Variants in TBL1XR1 observed in about 807,000 individuals in gnomAD.
TBL1XR1 encodes TBL1X/Y related 1, also known as F-box-like/WD repeat-containing protein TBL1XR1.
In TBL1XR1, 5 loss-of-function variants were observed where a neutral mutation model predicts 66.9. The ratio of observed to expected loss-of-function variants is 0.07; its 90% confidence interval spans 0.04 to 0.16. The LOEUF is 0.16. Among genes scored for constraint, TBL1XR1 ranks in the 10% least tolerant of loss-of-function variants. The probability of loss-of-function intolerance (pLI) is 1.00; values close to 1 mark genes in which losing one functional copy is unlikely to be tolerated. For synonymous variants in TBL1XR1, 210 were observed against 206.0 expected, an observed-to-expected ratio of 1.02 and a Z score of -0.17; for missense variants, 238 against 623.2, an observed-to-expected ratio of 0.38 and a Z score of 6.58.
At chr3:177,030,129 T>TAG (rs1384413642) in intron 14 of TBL1XR1, among the ~76,000 whole-genome samples, 6 of 143,708 alleles carry the variant, frequency 4.2e-5, no homozygotes, top group African/African-American at 1.3e-4. Context: ...TGTATATATA[T>TAG]ATAGAGAGAG....
At chr3:177,118,553 T>C (rs1342398468) in intron 1 of TBL1XR1, among the ~76,000 whole-genome samples, 1 of 152,188 alleles carries the variant, frequency 6.6e-6, no homozygotes, top group Non-Finnish European at 1.5e-5. Flanking sequence ...AGACAGACAT[T>C]AGGAAGACTT....
chr3:177,039,632 T>C (rs942807379), intron 10 of TBL1XR1, among the ~76,000 whole-genome samples: 1 of 152,146 alleles, frequency 6.6e-6, no homozygotes, highest in Non-Finnish European at 1.5e-5. Flanking sequence ...GTGCAAAAGA[T>C]CTCCGTAATT....
chr3:177,168,296 T>G (rs1733066455), intron 1 of TBL1XR1, among the ~76,000 whole-genome samples: 1 of 152,020 alleles, frequency 6.6e-6, no homozygotes, highest in Non-Finnish European at 1.5e-5. Flanking sequence ...TTTTTTTTTT[T>G]TTGAGACGAA....
At chr3:177,041,444 C>T (rs530057505) in intron 10 of TBL1XR1, among the ~76,000 whole-genome samples, 28 of 152,316 alleles carry the variant, frequency 1.8e-4, no homozygotes, top group South Asian at 4.1e-4. Flanking sequence ...TTCCCTCCCC[C>T]CCATCCTGCT....
At chr3:177,045,072 A>G (rs975725186) in intron 10 of TBL1XR1, 2 of 152,182 alleles carry the variant, frequency 1.3e-5, no homozygotes, top group Non-Finnish European at 2.9e-5. Flanking sequence ...ACTTATTCAG[A>G]TACTACAGAA....
chr3:177,113,034 TAG>T (rs1479930901), intron 1 of TBL1XR1, among the ~76,000 whole-genome samples: 2 of 150,112 alleles, frequency 1.3e-5, no homozygotes, highest in East Asian at 2.0e-4. Context: ...CGGAATAGAA[TAG>T]AGAGAACCCA....
intron 1 of TBL1XR1, among the ~76,000 whole-genome samples, chr3:177,162,605 C>A (rs971189632): frequency 6.6e-6 from 1 of 152,158 alleles, no homozygotes; most frequent in Admixed American, 6.5e-5. Flanking sequence ...GTCAGTTTTA[C>A]ATGAGCTGTT....
intron 1 of TBL1XR1, among the ~76,000 whole-genome samples, chr3:177,124,474 T>C (rs750848932): frequency 2.0e-4 from 30 of 152,122 alleles, no homozygotes; most frequent in Non-Finnish European, 1.0e-4. Flanking sequence ...ATTTGAAAAA[T>C]CATTCTTCTC....
intron 1 of TBL1XR1, among the ~76,000 whole-genome samples, chr3:177,158,058 C>T (rs1158017398): frequency 1.3e-5 from 2 of 151,772 alleles, no homozygotes; most frequent in African/African-American, 4.8e-5. Flanking sequence ...AACTGTGAGG[C>T]TATCTCATAT....
chr3:177,184,413 T>C (rs1271118068), intron 1 of TBL1XR1, among the ~76,000 whole-genome samples: 1 of 152,190 alleles, frequency 6.6e-6, no homozygotes. Flanking sequence ...GCAATACCTT[T>C]GAAATAAGAC....
intron 3 of TBL1XR1, among the ~76,000 whole-genome samples, chr3:177,060,690 G>A (rs778951124): frequency 2.0e-5 from 3 of 152,184 alleles, no homozygotes; most frequent in Non-Finnish European, 2.9e-5. Flanking sequence ...CAATGGTGAC[G>A]CAAAAGGTGG....
chr3:177,184,182 T>C (rs748482694), intron 1 of TBL1XR1, among the ~76,000 whole-genome samples: 5 of 152,286 alleles, frequency 3.3e-5, no homozygotes, highest in South Asian at 2.1e-4. Context: ...AGTGACACAA[T>C]TGCAAATGAC....
At chr3:177,049,022 T>C (rs1019194831) in intron 7 of TBL1XR1, among the ~76,000 whole-genome samples, 10 of 152,228 alleles carry the variant, frequency 6.6e-5, no homozygotes, top group African/African-American at 2.4e-4. Flanking sequence ...TAAACCCCTT[T>C]GGAATTTTTA....
chr3:177,185,617 A>C (rs1735311361), intron 1 of TBL1XR1, among the ~76,000 whole-genome samples: 1 of 151,878 alleles, frequency 6.6e-6, no homozygotes, highest in African/African-American at 2.4e-5. Context: ...AAAAAAAAAA[A>C]ACCAGTATTT....
At chr3:177,146,567 G>A (rs867670043) in intron 1 of TBL1XR1, among the ~76,000 whole-genome samples, 14 of 92,672 alleles carry the variant, frequency 1.5e-4, no homozygotes, top group Admixed American at 8.2e-4. Context: ...TCCAGCCTGG[G>A]CAGCTGAGCG....
chr3:177,087,763 G>A (rs907339930), intron 2 of TBL1XR1, among the ~76,000 whole-genome samples: 1 of 152,012 alleles, frequency 6.6e-6, no homozygotes, highest in Non-Finnish European at 1.5e-5. Flanking sequence ...AAAGAATGGG[G>A]GGCGGGGAGT....
At chr3:177,104,607 G>A (rs2108689072) in intron 1 of TBL1XR1, among the ~76,000 whole-genome samples, 1 of 152,254 alleles carries the variant, frequency 6.6e-6, no homozygotes, top group Admixed American at 6.5e-5. Context: ...TGCAATTACT[G>A]CCTATGTTTT....
At chr3:177,046,265 G>GT (rs1258899831) in intron 9 of TBL1XR1, 76 bp from the exon 10 acceptor site, 18 of 1,013,414 alleles carry the variant, frequency 1.8e-5, no homozygotes, top group Non-Finnish European at 2.6e-5. Context: ...ATGCCTAACT[G>GT]TATTACAGCA....
At chr3:177,104,127 A>AC (rs1271664762) in intron 1 of TBL1XR1, among the ~76,000 whole-genome samples, 1 of 82,666 alleles carries the variant, frequency 1.2e-5, no homozygotes, top group Non-Finnish European at 2.6e-5. Flanking sequence ...AAAAAAAAAA[A>AC]AAAGAGAGAG....
Sources: allele counts gnomAD v4.1 joint callset (sites outside exome capture counted in the v4.1 genomes callset), GRCh38; gene constraint gnomAD v4.1.1; transcripts MANE v1.5; gene names NCBI Gene and HGNC (gene_info 2026-07-23, HGNC 2026-07-21).